The following MAP1B variants were observed in gnomAD, a reference collection of about 807,000 sequenced individuals.
MAP1B encodes microtubule-associated protein 1B.
In MAP1B, 12 loss-of-function variants were observed where a neutral mutation model predicts 176.1. The ratio of observed to expected loss-of-function variants is 0.07; its 90% CI spans 0.04 to 0.11. The LOEUF (loss-of-function observed/expected upper bound fraction) is 0.11. MAP1B is among the 10% of genes least tolerant of loss of function. The probability of loss-of-function intolerance (pLI) is 1.00; values close to 1 mark genes in which losing one functional copy is unlikely to be tolerated. For synonymous variants in MAP1B, 1,044 were observed against 1,135.0 expected (o/e 0.92, Z 1.61); for missense variants, 2,523 against 2,990.5 (o/e 0.84, Z 3.65).
chr5:72,122,338 A>AC (rs1304837618), intron 2 of MAP1B, among the ~76,000 whole-genome samples: 1 of 151,822 alleles, frequency 6.6e-6, no homozygotes, highest in Non-Finnish European at 1.5e-5. Context: ...CAGCCCAGTC[A>AC]CCCCCACCTG....
chr5:72,186,825 G>A lies in MAP1B; in HGVS notation c.510+71G>A. 5 of 1,559,646 alleles carry A rather than the reference G, an allele frequency of 3.2e-6. No homozygotes were observed. The highest frequency in any genetic ancestry group is 2.3e-5 in the South Asian group (2 of 88,706). On this transcript the variant is annotated intron_variant, in intron 4 of 6. Coordinates refer to ENST00000296755, the MANE Select transcript of MAP1B (RefSeq NM_005909.5). This position sits in a 1 kb window ranked among gnomAD's most constrained non-coding sequence, Gnocchi z 4.3. Reference sequence around the variant, plus strand: ...CCTTAGGTTCCTCTTTGAGAGCACTGGGGGAGACAAAAGAAGAAGGGAGGG... The same window carrying A: ...CCTTAGGTTCCTCTTTGAGAGCACTAGGGGAGACAAAAGAAGAAGGGAGGG...
chr5:72,195,486 A>G lies in MAP1B; in HGVS notation c.2131A>G (p.Lys711Glu), dbSNP rs1456422759. 4 of 1,587,930 alleles carry G rather than the reference A, an allele frequency of 2.5e-6. No homozygotes were observed. Among genetic ancestry groups the G allele is most frequent in the African/African-American group, 2.7e-5 (2 of 72,872 alleles). ...AGAAACACCGCCAAAGGAAGTCAAG[A>G]AGGAAGTTAAGAAGGAAGAGAAGAA... is the stretch of plus-strand genomic sequence containing the variant. Reference protein sequence around the residue: ...KKETPPKEVKKEVKKEEKKEV... With the variant: ...KKETPPKEVKEEVKKEEKKEV... The change falls in exon 5 of 7, where the codon AAG (lysine) becomes GAG (glutamate). Residue 711 changes from lysine to glutamate, a missense_variant. This residue lies in a region of MAP1B where 1,925 missense variants were observed against 2,126.0 expected (regional missense o/e 0.91). Coordinates refer to ENST00000296755, the MANE Select transcript of MAP1B (RefSeq NM_005909.5).
At chr5:72,169,559 T>G (rs1746495685) in intron 2 of MAP1B, 1 of 154,300 alleles carries the variant, frequency 6.5e-6, no homozygotes, top group Admixed American at 6.5e-5. Flanking sequence ...GAGTGAGTGT[T>G]TGTGTGTAAC....
At chr5:72,146,672 T>A (rs1746050412) in intron 2 of MAP1B, among the ~76,000 whole-genome samples, 2 of 152,164 alleles carry the variant, frequency 1.3e-5, no homozygotes, top group Non-Finnish European at 2.9e-5. Flanking sequence ...GGGGTTCAGA[T>A]CCCAGCAATC....
At chr5:72,141,093 T>C (rs962479861) in intron 2 of MAP1B, among the ~76,000 whole-genome samples, 1 of 152,330 alleles carries the variant, frequency 6.6e-6, no homozygotes, top group East Asian at 1.9e-4. Context: ...CAGGCCAGTA[T>C]AGGGTACCGT....
At chr5:72,115,663 G>A (rs771931084) in intron 1 of MAP1B, 35 bp from the exon 2 acceptor site, 3 of 1,143,018 alleles carry the variant, frequency 2.6e-6, no homozygotes, top group African/African-American at 1.5e-5. Context: ...ATGACTAACT[G>A]GAAGTCTCTC....
At chr5:72,201,881 T>G (rs949168464) in intron 5 of MAP1B, among the ~76,000 whole-genome samples, 4 of 152,178 alleles carry the variant, frequency 2.6e-5, no homozygotes, top group Non-Finnish European at 5.9e-5. Flanking sequence ...TTAAAATGAA[T>G]GAAAAACCAC....
intron 2 of MAP1B, among the ~76,000 whole-genome samples, chr5:72,141,608 C>G (rs1417448897): frequency 1.3e-5 from 2 of 152,182 alleles, no homozygotes; most frequent in Non-Finnish European, 2.9e-5. Context: ...TCTCAGTACC[C>G]TGATGGCATG....
chr5:72,178,246 A>G lies in MAP1B; in HGVS notation c.287-5497A>G, dbSNP rs181764502. Among the ~76,000 whole-genome samples the G allele has an allele frequency of 5.1e-4, 77 of 152,052 alleles. No homozygotes were observed. In the East Asian group the frequency reaches 0.015, roughly 29 times the overall value. ...TCAAACTCCTGACCTCAAGTGATCC[A>G]CCTGCCTCGGCCTCCCAAAGTCCTG... is the stretch of plus-strand genomic sequence containing the variant. On this transcript the variant is annotated intron_variant, in intron 2 of 6. Coordinates refer to ENST00000296755, the MANE Select transcript of MAP1B (RefSeq NM_005909.5).
At chr5:72,125,845 A>G (rs1745619391) in intron 2 of MAP1B, among the ~76,000 whole-genome samples, 1 of 151,232 alleles carries the variant, frequency 6.6e-6, no homozygotes, top group Admixed American at 6.6e-5. Context: ...GATTAAGCCC[A>G]TTAATTCAAT....
chr5:72,169,815 T>G (rs899908317), intron 2 of MAP1B, among the ~76,000 whole-genome samples: 4 of 152,188 alleles, frequency 2.6e-5, no homozygotes, highest in Non-Finnish European at 4.4e-5. Flanking sequence ...CTATATAGTA[T>G]AGAGACTGTT....
chr5:72,197,178 C>T lies in MAP1B; in HGVS notation c.3823C>T (p.Arg1275Cys), dbSNP rs760949739. The change falls in exon 5 of 7, where the codon CGT becomes TGT. Residue 1275 changes from arginine to cysteine, a missense_variant. By Grantham distance (180) the Arg-to-Cys change is radical. Transcript: ENST00000296755. ...CTTAGAAAAGACCCCCCTGGGTGAA[C>T]GTAGTGTGAACTTCTCTCTGACGCC... is the stretch of plus-strand genomic sequence containing the variant. ...SPLEKTPLGERSVNFSLTPNE... is the reference protein window; with the variant it reads ...SPLEKTPLGECSVNFSLTPNE... 1.3e-5 allele frequency: 21 copies of T among 1,613,994 alleles called. No homozygotes were observed. Among genetic ancestry groups the T allele is most frequent in the African/African-American group, 4.0e-5 (3 of 74,898 alleles).
intron 2 of MAP1B, among the ~76,000 whole-genome samples, chr5:72,157,927 C>T (rs957533877): frequency 1.1e-4 from 16 of 152,118 alleles, no homozygotes; most frequent in African/African-American, 3.1e-4. Flanking sequence ...GCAACCTCAG[C>T]CTCCCGGGTC....
chr5:72,136,622 C>T (rs1291121356), intron 2 of MAP1B, among the ~76,000 whole-genome samples: 1 of 152,088 alleles, frequency 6.6e-6, no homozygotes, highest in Non-Finnish European at 1.5e-5. Flanking sequence ...TTACTACTAC[C>T]CTCTGTCAGA....
In MAP1B at chr5:72,206,449, AT is replaced by A. The variant is rs1747448380; in HGVS notation, c.*1211del. On this transcript the variant is annotated 3_prime_UTR_variant, in exon 7 of 7. Coordinates refer to ENST00000296755, the MANE Select transcript of MAP1B (RefSeq NM_005909.5). ...TTACTACTGCAAGTTCAAGACTGAA[AT>A]GGCTTCTATGATCAGAACTGGGAAA... The A allele has an allele frequency of 6.6e-6, 1 of 152,594 alleles. No individual in the cohort carries two copies. 9.5% of individuals were successfully genotyped at this position (152,594 alleles called of 1,614,324 possible). A position where few individuals can be genotyped will look rare whatever the true frequency, so the allele number is the denominator to read the frequency against.
At chr5:72,116,046 A>G (rs1393996249) in intron 2 of MAP1B, 3 of 409,202 alleles carry the variant, frequency 7.3e-6, no homozygotes, top group Admixed American at 3.6e-5. Flanking sequence ...GTGTATATAT[A>G]TACACACACA....
chr5:72,188,872 T>C lies in MAP1B; in HGVS notation c.510+2118T>C, dbSNP rs1440494394. On this transcript the variant is annotated intron_variant, in intron 4 of 6. Transcript: ENST00000296755. ...ATTATGGTCAGAGACCATGTCATAT[T>C]CTCTTCTGCCACCCACAAAGAAAGG... Among the ~76,000 whole-genome samples, 5 of 152,130 alleles carry C rather than the reference T, an allele frequency of 3.3e-5. No homozygotes were observed. The East Asian group carries it at 9.6e-4, about 29-fold the overall frequency.
intron 5 of MAP1B, among the ~76,000 whole-genome samples, chr5:72,202,278 C>G (rs1485962982): frequency 6.6e-6 from 1 of 152,176 alleles, no homozygotes; most frequent in African/African-American, 2.4e-5. Context: ...ACTGGAAGAA[C>G]TGTAACTCAC....
chr5:72,132,845 G>A (rs1035522923), intron 2 of MAP1B, among the ~76,000 whole-genome samples: 1 of 152,142 alleles, frequency 6.6e-6, no homozygotes, highest in Non-Finnish European at 1.5e-5. Flanking sequence ...GTGCTGCAGA[G>A]TCTTTTCAAA....
Sources: allele counts gnomAD v4.1 joint callset (sites outside exome capture counted in the v4.1 genomes callset), GRCh38; gene constraint gnomAD v4.1.1; regional missense constraint gnomAD v4.1.1; non-coding constraint Gnocchi (gnomAD v3.1); transcripts MANE v1.5; gene names NCBI Gene and HGNC (gene_info 2026-07-23, HGNC 2026-07-21).